The following IL1RAPL2 variants were observed in gnomAD, a reference collection of about 807,000 sequenced individuals.
IL1RAPL2 encodes X-linked interleukin-1 receptor accessory protein-like 2.
In IL1RAPL2, 3 loss-of-function variants were observed where a neutral mutation model predicts 44.1. The ratio of observed to expected loss-of-function variants is 0.07; its 90% CI spans 0.03 to 0.18. The LOEUF (loss-of-function observed/expected upper bound fraction) is 0.18, where lower values mean the gene tolerates loss of function less well. Ranked by LOEUF, IL1RAPL2 falls within the 10% of genes least tolerant of loss-of-function variation. IL1RAPL2 has a pLI of 1.00. For synonymous variants in IL1RAPL2, 181 were observed against 178.8 expected, an observed-to-expected ratio of 1.01 and a Z score of -0.10; for missense variants, 391 against 496.4, an observed-to-expected ratio of 0.79 and a Z score of 2.02.
chrX:105,226,128 C>T (rs1432220568), intron 3 of IL1RAPL2, among the ~76,000 whole-genome samples: 6 of 111,375 alleles, frequency 5.4e-5, no homozygotes, highest in Non-Finnish European at 9.4e-5. Context: ...GTTTCTTAAG[C>T]TTGGGGTTCT....
chrX:105,651,373 TC>T (rs2037641185), intron 6 of IL1RAPL2, among the ~76,000 whole-genome samples: 1 of 111,742 alleles, frequency 8.9e-6, no homozygotes, highest in Non-Finnish European at 1.9e-5. Flanking sequence ...ATGTCAAACA[TC>T]AAGAATACAT....
intron 3 of IL1RAPL2, among the ~76,000 whole-genome samples, chrX:105,217,055 T>C (rs1556167041): frequency 9.3e-6 from 1 of 107,857 alleles, no homozygotes. Flanking sequence ...AAGGACTTCA[T>C]GTCTAAAACA....
intron 2 of IL1RAPL2, among the ~76,000 whole-genome samples, chrX:105,115,237 A>G (rs924550962): frequency 9.0e-6 from 1 of 111,693 alleles, no homozygotes; most frequent in Non-Finnish European, 1.9e-5. Context: ...GTTACAGCTC[A>G]TAAAGGCAGT....
intron 2 of IL1RAPL2, among the ~76,000 whole-genome samples, chrX:104,931,947 A>AGTGTGT (rs34524314): frequency 0.018 from 1,581 of 88,957 alleles, 29 homozygotes; most frequent in African/African-American, 0.033. Context: ...GGAAACTATG[A>AGTGTGT]GTGTGTGTGT....
intron 2 of IL1RAPL2, among the ~76,000 whole-genome samples, chrX:104,750,663 A>G (rs1412333142): frequency 2.7e-5 from 3 of 111,041 alleles, no homozygotes; most frequent in East Asian, 2.8e-4. Flanking sequence ...CTAAAAATAG[A>G]CTTACAAATT....
intron 3 of IL1RAPL2, among the ~76,000 whole-genome samples, chrX:105,225,303 A>T (rs911769883): frequency 8.9e-6 from 1 of 112,538 alleles, no homozygotes; most frequent in Non-Finnish European, 1.9e-5. Context: ...TATTTTGATG[A>T]CAAAAATTTT....
intron 2 of IL1RAPL2, among the ~76,000 whole-genome samples, chrX:105,158,641 C>T (rs1402294811): frequency 8.9e-6 from 1 of 112,261 alleles, no homozygotes; most frequent in Non-Finnish European, 1.9e-5. Context: ...CTAGTTAAAG[C>T]TATCATCATC....
At position 104,635,345 on chromosome X, in the gene IL1RAPL2, A is replaced by G. The variant is rs748409352; in HGVS notation, c.-19-23550A>G. Among the ~76,000 whole-genome samples the G allele has an allele frequency of 2.0e-3, 221 of 109,887 alleles. 2 individuals carry two copies. The highest frequency in any genetic ancestry group is 6.9e-3 in the African/African-American group (206 of 30,035). On this transcript the variant is annotated intron_variant, in intron 1 of 10. Transcript: ENST00000372582. ...CTTGGAGTTGCTCTTCTCGAGGAGT[A>G]TCTTTGTGGCGTTCTCTGTATTTCC...
At chrX:104,808,834 C>T (rs748723469) in intron 2 of IL1RAPL2, among the ~76,000 whole-genome samples, 6 of 111,475 alleles carry the variant, frequency 5.4e-5, no homozygotes, top group African/African-American at 6.5e-5. Flanking sequence ...AGTAGAAATG[C>T]GAAGCAATCT....
chrX:105,014,523 T>A (rs2031131585), intron 2 of IL1RAPL2, among the ~76,000 whole-genome samples: 1 of 111,424 alleles, frequency 9.0e-6, no homozygotes, highest in African/African-American at 3.3e-5. Context: ...GTCCATGTGT[T>A]CTCATTGTTC....
At chrX:105,182,031 C>A (rs2033536491) in intron 2 of IL1RAPL2, among the ~76,000 whole-genome samples, 1 of 102,403 alleles carries the variant, frequency 9.8e-6, no homozygotes, top group Admixed American at 1.1e-4. Flanking sequence ...TGCGCCACTG[C>A]ACTCCAGCCT....
At chrX:104,609,060 C>G in intron 1 of IL1RAPL2, among the ~76,000 whole-genome samples, 1 of 111,817 alleles carries the variant, frequency 8.9e-6, no homozygotes, top group Non-Finnish European at 1.9e-5. Context: ...GTGATGAAAT[C>G]TCTCAGCATT....
At chrX:105,184,455 T>G (rs1556132673) in intron 2 of IL1RAPL2, among the ~76,000 whole-genome samples, 1 of 87,348 alleles carries the variant, frequency 1.1e-5, no homozygotes, top group Non-Finnish European at 2.3e-5. Context: ...CATAAAATAT[T>G]TGAAGAGCAC....
intron 5 of IL1RAPL2, among the ~76,000 whole-genome samples, chrX:105,334,276 G>C (rs1159270384): frequency 8.9e-6 from 1 of 111,744 alleles, no homozygotes; most frequent in Non-Finnish European, 1.9e-5. Context: ...AGACAGCATT[G>C]CATGTTCTCA....
At chrX:105,311,601 T>TATAC (rs1232612787) in intron 5 of IL1RAPL2, among the ~76,000 whole-genome samples, 27 of 98,431 alleles carry the variant, frequency 2.7e-4, no homozygotes, top group East Asian at 6.4e-4. Context: ...TGTGGATGAT[T>TATAC]ATACATACAT....
intron 2 of IL1RAPL2, among the ~76,000 whole-genome samples, chrX:104,996,044 G>A (rs1348836548): frequency 9.0e-6 from 1 of 111,598 alleles, no homozygotes; most frequent in African/African-American, 3.3e-5. Context: ...TGCTATCAGA[G>A]CAATACATAG....
At chrX:105,040,634 A>G (rs1206664810) in intron 2 of IL1RAPL2, among the ~76,000 whole-genome samples, 1 of 110,214 alleles carries the variant, frequency 9.1e-6, no homozygotes, top group Non-Finnish European at 1.9e-5. Flanking sequence ...CAAGGAATTT[A>G]TCCATTTCTT....
At chrX:105,099,452 A>ATT (rs2032643009) in intron 2 of IL1RAPL2, among the ~76,000 whole-genome samples, 1 of 60,878 alleles carries the variant, frequency 1.6e-5, no homozygotes, top group Non-Finnish European at 3.2e-5. Context: ...GGTGCCACAT[A>ATT]CTTTTTTTTT....
chrX:104,585,843 A>G (rs1928550173), intron 1 of IL1RAPL2, among the ~76,000 whole-genome samples: 1 of 110,768 alleles, frequency 9.0e-6, no homozygotes, highest in South Asian at 3.9e-4. Context: ...CCAATCTTCC[A>G]TTGATGGGCA....
Sources: allele counts gnomAD v4.1 joint callset (sites outside exome capture counted in the v4.1 genomes callset), GRCh38; gene constraint gnomAD v4.1.1; transcripts MANE v1.5; gene names NCBI Gene and HGNC (gene_info 2026-07-23, HGNC 2026-07-21).